Variants in NAE1 observed in about 807,000 individuals in gnomAD.
NAE1 encodes NEDD8-activating enzyme E1 regulatory subunit.
In NAE1, 59 loss-of-function variants were observed where a neutral mutation model predicts 88.0. That is an observed-to-expected ratio of 0.67 (90% CI 0.54 to 0.83). The LOEUF (loss-of-function observed/expected upper bound fraction) is 0.83, where lower values mean the gene tolerates loss of function less well. Among genes scored for constraint, NAE1 ranks in the 40% least tolerant of loss-of-function variants. NAE1 has a pLI of 0.00. For missense variants in NAE1, 554 were observed against 632.8 expected (o/e 0.88, Z 1.34); for synonymous variants, 186 against 208.9 (o/e 0.89, Z 0.95).
intron 1 of NAE1, chr16:66,827,434 T>C (rs1236271168): frequency 6.5e-6 from 1 of 152,758 alleles, no homozygotes; most frequent in Non-Finnish European, 1.5e-5. Flanking sequence ...CTGGGCGTGG[T>C]GGCAGGCGCC....
At chr16:66,828,144 T>C in intron 1 of NAE1, 1 of 1,158,008 alleles carries the variant, frequency 8.6e-7, no homozygotes, top group Non-Finnish European at 1.3e-6. Context: ...AGAAGACACC[T>C]GACATATATG....
At chr16:66,805,561 C>A in intron 19 of NAE1, 1 of 396,602 alleles carries the variant, frequency 2.5e-6, no homozygotes, top group East Asian at 3.6e-5. Context: ...TCACTTGAGC[C>A]CAGGAGTTTG....
intron 3 of NAE1, 91 bp downstream of exon 3, chr16:66,826,432 G>C (rs1399131256): frequency 2.5e-6 from 3 of 1,194,566 alleles, no homozygotes; most frequent in Non-Finnish European, 3.7e-6. Context: ...GATTTCCACT[G>C]AGAGTCGAGT....
At chr16:66,819,579 A>C (rs9936618) in intron 7 of NAE1, among the ~76,000 whole-genome samples, 7,390 of 152,258 alleles carry the variant, frequency 0.049, 645 homozygotes, top group African/African-American at 0.17. Flanking sequence ...TTGGGACCAT[A>C]AGTGTTTTGG....
intron 8 of NAE1, 22 bp from the exon 9 acceptor site, chr16:66,817,509 A>ATGCCAATGGCTATCACCACATTAGC: frequency 6.7e-7 from 1 of 1,485,242 alleles, no homozygotes; most frequent in Non-Finnish European, 9.1e-7. Context: ...AGACAAATAA[A>ATGCCAATGGCTATCACCACATTAGC]AGAAAATATC....
At position 66,830,951 on chromosome 16, in the gene NAE1, C is replaced by A. The variant is rs1203836796; in HGVS notation, c.-52G>T. ...CCGAGCCCCTGCGGAGCGCCGCCAC[C>A]AGCTCCACAAGCGCGCAGGCGCACT... On this transcript the variant is annotated 5_prime_UTR_variant, in exon 1 of 20. Coordinates refer to ENST00000290810, the MANE Select transcript of NAE1 (RefSeq NM_003905.4). 2 of 1,472,380 alleles carry A rather than the reference C, an allele frequency of 1.4e-6. No individual in the cohort carries two copies. The highest frequency in any genetic ancestry group is 1.5e-5 in the African/African-American group (1 of 67,850). 91.2% of individuals were successfully genotyped at this position (1,472,380 alleles called of 1,614,324 possible).
chr16:66,818,481 A>C, intron 8 of NAE1, 47 bp downstream of exon 8: 1 of 1,459,164 alleles, frequency 6.9e-7, no homozygotes, highest in Non-Finnish European at 9.3e-7. Flanking sequence ...AGGTTAAAAA[A>C]ATGTTTTAAG....
At chr16:66,829,088 T>C (rs941779536) in intron 1 of NAE1, among the ~76,000 whole-genome samples, 6 of 152,068 alleles carry the variant, frequency 3.9e-5, no homozygotes, top group African/African-American at 1.4e-4. Flanking sequence ...CTGGCCCAAC[T>C]AACGTGAAGT....
intron 13 of NAE1, 72 bp downstream of exon 13, chr16:66,813,492 C>T (rs1253782771): frequency 5.2e-5 from 77 of 1,483,716 alleles, no homozygotes; most frequent in Non-Finnish European, 6.4e-5. Flanking sequence ...TGATTTCTGA[C>T]AGGATGATAA....
chr16:66,821,556 A>G lies in NAE1; in HGVS notation c.405T>C (p.Thr135=). 1 of 1,565,802 alleles carries G rather than the reference A, an allele frequency of 6.4e-7. No homozygotes were observed. The highest frequency in any genetic ancestry group is 2.3e-5 in the East Asian group (1 of 44,168). Residue 135 remains threonine, a synonymous_variant, in exon 7 of 20, where the codon ACT becomes ACC. Transcript: ENST00000290810. Reference sequence around the variant, plus strand: ...AGAGGACATCTGCTAAGCGTAGTGAAGTGCTGTTTAAAAAAAAAAAGCAAA... The same window carrying G: ...AGAGGACATCTGCTAAGCGTAGTGAGGTGCTGTTTAAAAAAAAAAAGCAAA... The part of the protein sequence containing the change: ...VVVATQLPES[T]SLRLADVLWN...
chr16:66,817,322 C>A, intron 9 of NAE1, 103 bp downstream of exon 9: 1 of 1,020,196 alleles, frequency 9.8e-7, no homozygotes, highest in South Asian at 1.4e-5. Flanking sequence ...CCATACAACT[C>A]CATAAGGAAA....
In NAE1 at chr16:66,818,634, A is replaced by T; in HGVS notation, c.515T>A (p.Ile172Lys). ...TAATGCATTATCTGGATGAGATTCT[A>T]TTACTGTGAAACAAAGAATTCAAAA... ...MRIIIKEHPVIESHPDNALED... is the reference protein window; with the variant it reads ...MRIIIKEHPVKESHPDNALED... Residue 172 changes from isoleucine (I) to lysine (K), a missense_variant, in exon 8 of 20, where the codon ATA (isoleucine) becomes AAA (lysine). Ile to Lys is a moderately radical substitution (Grantham distance 102, BLOSUM62 -3). Coordinates refer to ENST00000290810, the MANE Select transcript of NAE1 (RefSeq NM_003905.4). 1 of 1,598,462 alleles carries T rather than the reference A, an allele frequency of 6.3e-7. No individual in the cohort carries two copies. Among genetic ancestry groups the T allele is most frequent in the Non-Finnish European group, 8.5e-7 (1 of 1,175,888 alleles).
intron 10 of NAE1, 26 bp downstream of exon 10, chr16:66,816,939 C>A: frequency 6.4e-7 from 1 of 1,574,112 alleles, no homozygotes; most frequent in Non-Finnish European, 8.5e-7. Context: ...AAGCTTTATA[C>A]AGTATTTAAT....
At chr16:66,830,825 G>C (rs1960664299) in intron 1 of NAE1, 22 bp downstream of exon 1, 1 of 1,508,930 alleles carries the variant, frequency 6.6e-7, no homozygotes, top group South Asian at 1.2e-5. Flanking sequence ...GCCCGCCCTC[G>C]GCTCGGTGAG....
Position 66,817,314 on chromosome 16 carries a change from A to G in NAE1, c.684+111T>C, listed in dbSNP as rs1960085367. ...TTTAAAAGCATCCATTTGCCCTACC[A>G]TACAACTCCATAAGGAAAAAAAATT... On this transcript the variant is annotated intron_variant, in intron 9 of 19. Transcript: ENST00000290810. 5.2e-6 allele frequency: 5 copies of G among 957,612 alleles called. No homozygotes were observed. The East Asian group carries it at 1.3e-4, about 25-fold the overall frequency. The allele number at this position is 957,612 out of a possible 1,614,324, so 59.3% of individuals were successfully genotyped here. A position where few individuals can be genotyped will look rare whatever the true frequency, so the allele number is the denominator to read the frequency against.
At chr16:66,829,690 G>T (rs1011729267) in intron 1 of NAE1, among the ~76,000 whole-genome samples, 8 of 152,158 alleles carry the variant, frequency 5.3e-5, no homozygotes, top group African/African-American at 1.7e-4. Context: ...AGACACAGAA[G>T]ACGCTCAATA....
Position 66,817,414 on chromosome 16 carries a change from A to G in NAE1, c.684+11T>C, listed in dbSNP as rs753219006. The G allele has an allele frequency of 6.3e-7, 1 of 1,594,026 alleles. No individual in the cohort carries two copies. The highest frequency in any genetic ancestry group is 1.1e-5 in the South Asian group (1 of 89,930). ...AGTTGCATATGAAATTTTTTTTAAA[A>G]AAGGACATACTTCACTATACCACTG... On this transcript the variant is annotated intron_variant, in intron 9 of 19. Transcript: ENST00000290810.
intron 9 of NAE1, 99 bp from the exon 10 acceptor site, chr16:66,817,127 A>G: frequency 7.1e-7 from 1 of 1,408,654 alleles, no homozygotes; most frequent in Non-Finnish European, 9.4e-7. Flanking sequence ...AGATTTCATC[A>G]ACAAATATAT....
chr16:66,824,842 T>C lies in NAE1; in HGVS notation c.249+13A>G. On this transcript the variant is annotated intron_variant, in intron 4 of 19. Coordinates refer to ENST00000290810, the MANE Select transcript of NAE1 (RefSeq NM_003905.4). The stretch of plus-strand genomic sequence containing the variant: ...TAGATGCTCACATCCAACTATATTC[T>C]CTAATTGTTTACCTTGCCGATACTG... 1 of 1,606,448 alleles carries C rather than the reference T, an allele frequency of 6.2e-7. No homozygotes were observed. Among genetic ancestry groups the C allele is most frequent in the African/African-American group, 1.3e-5 (1 of 74,776 alleles).
Sources: gnomAD v4.1 joint callset for allele counts (sites outside exome capture counted in the v4.1 genomes callset) on GRCh38, gnomAD v4.1.1 for gene constraint, MANE v1.5 for transcripts, NCBI Gene and HGNC (gene_info 2026-07-23, HGNC 2026-07-21) for gene names.